The following DNAH5 variants were observed in gnomAD, a reference collection of about 807,000 sequenced individuals.
DNAH5 encodes dynein axonemal heavy chain 5.
Under a neutral mutation model 518.2 loss-of-function variants are expected in DNAH5, and 372 were observed. The ratio of observed to expected loss-of-function variants is 0.72; its 90% CI spans 0.66 to 0.78. The LOEUF is 0.78. Among genes scored for constraint, DNAH5 ranks in the 30% least tolerant of loss-of-function variants. The pLI is 0.00. For synonymous variants in DNAH5, 2,039 were observed against 2,025.9 expected, an observed-to-expected ratio of 1.01 and a Z score of -0.17; for missense variants, 5,523 against 5,687.0, an observed-to-expected ratio of 0.97 and a Z score of 0.93.
chr5:13,968,074 G>T (rs916078691), intron 1 of DNAH5, among the ~76,000 whole-genome samples: 1 of 151,874 alleles, frequency 6.6e-6, no homozygotes, highest in Non-Finnish European at 1.5e-5. Flanking sequence ...TTCATTTTTT[G>T]TTGTTGTTGC....
intron 65 of DNAH5, among the ~76,000 whole-genome samples, chr5:13,747,239 T>C (rs1264350640): frequency 6.6e-6 from 1 of 152,248 alleles, no homozygotes; most frequent in African/African-American, 2.4e-5. Flanking sequence ...TACGGCTGCA[T>C]AGTATTCCAT....
rs546013373 is a variant in DNAH5, at chr5:13,796,831, T to C, written c.7888-2773A>G. On this transcript the variant is annotated intron_variant, in intron 47 of 78. Coordinates refer to ENST00000265104, the MANE Select transcript of DNAH5 (RefSeq NM_001369.3). ...CAAGGCTACAGTAACCAAAACAGCA[T>C]GGTACTGGTACCAAAACAGAGAGAT... Among the ~76,000 whole-genome samples the C allele has an allele frequency of 1.6e-4, 25 of 152,278 alleles. No individual in the cohort carries two copies. In the South Asian group the frequency reaches 2.1e-3, roughly 13 times the overall value.
chr5:13,856,842 A>C (rs1017727953), intron 30 of DNAH5, among the ~76,000 whole-genome samples: 2 of 152,174 alleles, frequency 1.3e-5, no homozygotes, highest in African/African-American at 4.8e-5. Context: ...CAATAAACTA[A>C]GTATTGATGA....
chr5:13,692,187 C>T (rs1378709262), intron 78 of DNAH5, 52 bp from the exon 79 acceptor site: 1 of 1,595,194 alleles, frequency 6.3e-7, no homozygotes, highest in Admixed American at 1.7e-5. Context: ...CTTTAGAGCC[C>T]AAGGAGAATG....
At chr5:13,828,221 T>G (rs993769829) in intron 38 of DNAH5, among the ~76,000 whole-genome samples, 1 of 152,144 alleles carries the variant, frequency 6.6e-6, no homozygotes, top group East Asian at 1.9e-4. Flanking sequence ...AAAAGAACTT[T>G]TTAGTAGGAA....
Position 13,727,638 on chromosome 5 carries a change from T to C in DNAH5, c.11902A>G (p.Met3968Val). 6.2e-7 allele frequency: 1 copy of C among 1,613,846 alleles called. No homozygotes were observed. The highest frequency in any genetic ancestry group is 8.5e-7 in the Non-Finnish European group (1 of 1,179,790). Residue 3968 changes from methionine to valine, a missense_variant, in exon 70 of 79, where the codon ATG becomes GTG. Met to Val is a conservative substitution (Grantham distance 21). Coordinates refer to ENST00000265104, the MANE Select transcript of DNAH5 (RefSeq NM_001369.3). ...TCCTTATCAAACCAAATTTTCCACA[T>C]TTTCTCATTTCTCGATATCTGAAAA... is the stretch of plus-strand genomic sequence containing the variant. ...VLDQISRNEK[M>V]WKIWFDKENP... is the part of the protein sequence containing the mutation.
chr5:13,801,010 A>G (rs1758666047), intron 47 of DNAH5, among the ~76,000 whole-genome samples: 1 of 152,204 alleles, frequency 6.6e-6, no homozygotes, highest in South Asian at 2.1e-4. Flanking sequence ...TATTTTTTAC[A>G]TAAATAAATA....
At chr5:13,796,529 C>T (rs191208887) in intron 47 of DNAH5, among the ~76,000 whole-genome samples, 165 of 152,166 alleles carry the variant, frequency 1.1e-3, no homozygotes, top group African/African-American at 3.5e-3. Flanking sequence ...AACTACAAAC[C>T]ACTGCGCCAC....
chr5:13,972,035 C>T (rs962935021), intron 1 of DNAH5, among the ~76,000 whole-genome samples: 2 of 152,040 alleles, frequency 1.3e-5, no homozygotes, highest in Non-Finnish European at 2.9e-5. Flanking sequence ...CCCAGGCCAA[C>T]GGAGTTACAT....
At chr5:13,784,038 A>G (rs1328385094) in intron 52 of DNAH5, among the ~76,000 whole-genome samples, 1 of 152,208 alleles carries the variant, frequency 6.6e-6, no homozygotes, top group Admixed American at 6.5e-5. Flanking sequence ...CTCCAACATC[A>G]CACCCAAAGT....
Position 13,814,836 on chromosome 5 carries a change from G to T in DNAH5, c.6999C>A (p.Ile2333=), listed in dbSNP as rs1328854181. 6.2e-7 allele frequency: 1 copy of T among 1,613,250 alleles called. No individual in the cohort carries two copies. Among genetic ancestry groups the T allele is most frequent in the Admixed American group, 1.7e-5 (1 of 59,932 alleles). Residue 2333 remains isoleucine, a synonymous_variant, in exon 43 of 79, where the codon ATC becomes ATA. Transcript: ENST00000265104. ...KTLRAKKGEH[I]WIILDGPVDA... is the part of the protein sequence containing the mutation. Reference sequence around the variant, plus strand: ...CTACTGGACCATCAAGAATTATCCAGATATGTTCCCCTAGAATACCCCACC... The same window carrying T: ...CTACTGGACCATCAAGAATTATCCATATATGTTCCCCTAGAATACCCCACC...
At chr5:13,886,178 A>G in intron 17 of DNAH5, 49 bp from the exon 18 acceptor site, 2 of 1,528,418 alleles carry the variant, frequency 1.3e-6, no homozygotes, top group Non-Finnish European at 1.8e-6. Context: ...TATATGGTTT[A>G]TCTAGCTTTT....
intron 50 of DNAH5, among the ~76,000 whole-genome samples, chr5:13,790,814 A>G (rs1373137546): frequency 1.3e-5 from 2 of 152,166 alleles, no homozygotes; most frequent in African/African-American, 4.8e-5. Context: ...TTATACCAGT[A>G]TGAAAACGGA....
At chr5:13,959,140 T>C (rs1467230489) in intron 1 of DNAH5, among the ~76,000 whole-genome samples, 1 of 152,142 alleles carries the variant, frequency 6.6e-6, no homozygotes, top group African/African-American at 2.4e-5. Flanking sequence ...AGAGACGGGG[T>C]TTCACCATGT....
At chr5:13,963,578 AAAATAAAT>A (rs148032042) in intron 1 of DNAH5, among the ~76,000 whole-genome samples, 55 of 150,560 alleles carry the variant, frequency 3.7e-4, no homozygotes, top group African/African-American at 1.2e-3. Context: ...ACTCTATCTC[AAAATAAAT>A]AAATAAATAA....
intron 35 of DNAH5, among the ~76,000 whole-genome samples, chr5:13,833,465 C>G (rs1763964367): frequency 7.0e-6 from 1 of 143,006 alleles, no homozygotes; most frequent in Non-Finnish European, 1.5e-5. Context: ...AAAGTGTTAT[C>G]AGCAATTTTG....
chr5:13,720,971 T>C, intron 71 of DNAH5, 29 bp downstream of exon 71: 1 of 1,614,066 alleles, frequency 6.2e-7, no homozygotes, highest in Non-Finnish European at 8.5e-7. Context: ...ATGAACAGCA[T>C]GGCACAAAAG....
At chr5:13,846,363 A>G (rs1383761139) in intron 31 of DNAH5, among the ~76,000 whole-genome samples, 2 of 152,210 alleles carry the variant, frequency 1.3e-5, no homozygotes, top group Non-Finnish European at 2.9e-5. Flanking sequence ...GTGTAAAATT[A>G]TAAGGAAACA....
intron 15 of DNAH5, chr5:13,898,547 C>G (rs1774191014): frequency 2.5e-6 from 1 of 398,414 alleles, no homozygotes; most frequent in Non-Finnish European, 4.4e-6. Flanking sequence ...GACTACAAGT[C>G]TGGGTTCTGG....
Sources: allele counts gnomAD v4.1 joint callset (sites outside exome capture counted in the v4.1 genomes callset), GRCh38; gene constraint gnomAD v4.1.1; transcripts MANE v1.5; gene names NCBI Gene and HGNC (gene_info 2026-07-23, HGNC 2026-07-21).